Variants in PCDH7 observed in about 807,000 individuals in gnomAD.
The protein encoded by PCDH7 is protocadherin 7.
In PCDH7, 17 loss-of-function variants were observed where a neutral mutation model predicts 58.9. The observed-to-expected ratio is 0.29, with a 90% CI of 0.20 to 0.43. The LOEUF is 0.43. Among genes scored for constraint, PCDH7 ranks in the 20% least tolerant of loss-of-function variants. The pLI, the probability that PCDH7 is intolerant of heterozygous loss-of-function variation, is 1.00. For synonymous variants in PCDH7, 664 were observed against 616.4 expected, an observed-to-expected ratio of 1.08 and a Z score of -1.14; for missense variants, 1,274 against 1,441.0, an observed-to-expected ratio of 0.88 and a Z score of 1.88.
At chr4:30,854,638 G>A (rs1057169017) in intron 1 of PCDH7, among the ~76,000 whole-genome samples, 58 of 152,092 alleles carry the variant, frequency 3.8e-4, no homozygotes, top group African/African-American at 1.3e-3. Flanking sequence ...ATAAGCAGAA[G>A]GAAGTATGAT....
intron 1 of PCDH7, among the ~76,000 whole-genome samples, chr4:30,758,435 T>C (rs1719593853): frequency 6.6e-6 from 1 of 152,212 alleles, no homozygotes; most frequent in African/African-American, 2.4e-5. Context: ...GAATACTTCA[T>C]AGAATTTAAA....
intron 1 of PCDH7, among the ~76,000 whole-genome samples, chr4:30,825,564 G>A (rs1052208088): frequency 1.3e-5 from 2 of 152,084 alleles, no homozygotes; most frequent in Non-Finnish European, 2.9e-5. Flanking sequence ...AATCTGTATT[G>A]CTGTTATTGA....
At chr4:30,848,500 G>A (rs552802037) in intron 1 of PCDH7, among the ~76,000 whole-genome samples, 10 of 152,114 alleles carry the variant, frequency 6.6e-5, no homozygotes, top group Middle Eastern at 3.4e-3. Context: ...TTATTTATCA[G>A]ATGAGGACAG....
chr4:30,845,790 A>G (rs770834339), intron 1 of PCDH7, among the ~76,000 whole-genome samples: 1 of 152,086 alleles, frequency 6.6e-6, no homozygotes, highest in Non-Finnish European at 1.5e-5. Flanking sequence ...ACAGAGTAAC[A>G]TTACATTGCC....
intron 1 of PCDH7, among the ~76,000 whole-genome samples, chr4:30,872,694 G>A (rs1735778070): frequency 6.6e-6 from 1 of 152,078 alleles, no homozygotes; most frequent in Admixed American, 6.6e-5. Flanking sequence ...CTAGCTCATT[G>A]TAGGCATTCA....
At chr4:30,996,070 C>A (rs892421211) in intron 3 of PCDH7, among the ~76,000 whole-genome samples, 1 of 152,108 alleles carries the variant, frequency 6.6e-6, no homozygotes, top group Non-Finnish European at 1.5e-5. Flanking sequence ...ATATTCACAT[C>A]GAATTAAATA....
chr4:30,957,982 T>C (rs1469642398), intron 3 of PCDH7, among the ~76,000 whole-genome samples: 1 of 152,114 alleles, frequency 6.6e-6, no homozygotes, highest in African/African-American at 2.4e-5. Flanking sequence ...ACACTTGAAC[T>C]TAAGAAAATT....
chr4:31,128,680 C>T (rs114080448), intron 3 of PCDH7, among the ~76,000 whole-genome samples: 22 of 152,248 alleles, frequency 1.4e-4, no homozygotes, highest in African/African-American at 5.3e-4. Flanking sequence ...TCCTTGTGAC[C>T]ACTAAATATA....
chr4:30,857,328 A>G (rs879328205), intron 1 of PCDH7, among the ~76,000 whole-genome samples: 15 of 152,086 alleles, frequency 9.9e-5, no homozygotes, highest in Non-Finnish European at 1.8e-4. Flanking sequence ...TAACATTATT[A>G]TTGAGGGTGA....
At chr4:31,068,101 C>T (rs924675330) in intron 3 of PCDH7, among the ~76,000 whole-genome samples, 8 of 151,784 alleles carry the variant, frequency 5.3e-5, no homozygotes, top group South Asian at 2.1e-4. Context: ...ATATTTCTGG[C>T]GTTTTCTTAC....
chr4:30,824,218 T>C (rs1728823949), intron 1 of PCDH7, among the ~76,000 whole-genome samples: 1 of 151,508 alleles, frequency 6.6e-6, no homozygotes, highest in African/African-American at 2.4e-5. Flanking sequence ...CTTTCTCTTT[T>C]AGCTCTTCTT....
At chr4:30,991,691 T>A (rs1196205639) in intron 3 of PCDH7, among the ~76,000 whole-genome samples, 1 of 152,176 alleles carries the variant, frequency 6.6e-6, no homozygotes, top group African/African-American at 2.4e-5. Context: ...ATCGTTCTTT[T>A]GGAGAATCAG....
At chr4:31,081,962 A>G (rs923432007) in intron 3 of PCDH7, among the ~76,000 whole-genome samples, 20 of 152,042 alleles carry the variant, frequency 1.3e-4, no homozygotes, top group Admixed American at 6.6e-4. Flanking sequence ...TAGTAGAGAC[A>G]GGGTTTCACC....
chr4:30,982,475 C>T (rs1345608014), intron 3 of PCDH7, among the ~76,000 whole-genome samples: 2 of 152,200 alleles, frequency 1.3e-5, no homozygotes, highest in Admixed American at 6.5e-5. Context: ...ACCACCTTCT[C>T]TCTCATAGGA....
chr4:30,730,816 T>C lies in PCDH7; in HGVS notation c.*28T>C, dbSNP rs1172570124. On this transcript the variant is annotated 3_prime_UTR_variant, in exon 2 of 2. Coordinates refer to ENST00000361762, the Ensembl canonical transcript of PCDH7. ...TCCACTCTAATATGATGCTCCATTA[T>C]GCACCATACTGTGATGACCTTTCTA... 7 of 1,598,332 alleles carry C rather than the reference T, an allele frequency of 4.4e-6. No homozygotes were observed. In the Admixed American group the frequency reaches 7.1e-5, roughly 16 times the overall value.
chr4:30,962,304 T>C (rs1327262298), intron 3 of PCDH7, among the ~76,000 whole-genome samples: 1 of 152,210 alleles, frequency 6.6e-6, no homozygotes, highest in Admixed American at 6.5e-5. Context: ...GCCATTGTAA[T>C]TGGGGAGTTA....
intron 1 of PCDH7, among the ~76,000 whole-genome samples, chr4:30,755,632 C>T (rs996657091): frequency 6.0e-4 from 92 of 152,266 alleles, no homozygotes; most frequent in African/African-American, 2.1e-3. Flanking sequence ...TACCATCCCC[C>T]ACTGTCTTAG....
chr4:30,935,420 A>T lies in PCDH7; in HGVS notation c.288-14700A>T. The T allele has an allele frequency of 1.0e-5, 4 of 384,400 alleles. No individual in the cohort carries two copies. In the South Asian group the frequency reaches 4.3e-4, roughly 41 times the overall value. 23.8% of individuals were successfully genotyped at this position (384,400 alleles called of 1,614,324 possible). ...TAGACTAAGAGTACATGGGTCTCTA[A>T]CTACCATGAACAAGTTCCAGTATTT... On this transcript the variant is annotated intron_variant, in intron 2 of 3. Transcript: ENST00000509759.
intron 3 of PCDH7, among the ~76,000 whole-genome samples, chr4:31,003,723 G>A (rs1198329264): frequency 6.6e-6 from 1 of 151,902 alleles, no homozygotes; most frequent in Non-Finnish European, 1.5e-5. Context: ...TTGGCTAACA[G>A]GGTGAAACCA....
Sources: allele counts gnomAD v4.1 joint callset (sites outside exome capture counted in the v4.1 genomes callset), GRCh38; gene constraint gnomAD v4.1.1; transcripts MANE v1.5; gene names NCBI Gene and HGNC (gene_info 2026-07-23, HGNC 2026-07-21).